The following NLRP4 variants were observed in gnomAD, a reference collection of about 807,000 sequenced individuals.
NLRP4 encodes NACHT, LRR and PYD domains-containing protein 4.
A neutral mutation model predicts 84.7 loss-of-function variants in NLRP4; 44 were observed. The ratio of observed to expected loss-of-function variants is 0.52; its 90% CI spans 0.41 to 0.67. The LOEUF is 0.67. Among genes scored for constraint, NLRP4 ranks in the 30% least tolerant of loss-of-function variants. The probability of loss-of-function intolerance (pLI) is 0.00; values close to 1 mark genes in which losing one functional copy is unlikely to be tolerated. For synonymous variants in NLRP4, 544 were observed against 476.4 expected, an observed-to-expected ratio of 1.14 and a Z score of -1.85; for missense variants, 1,260 against 1,219.4, an observed-to-expected ratio of 1.03 and a Z score of -0.50.
At chr19:55,860,072 G>A (rs1477759992) in intron 3 of NLRP4, among the ~76,000 whole-genome samples, 4 of 140,736 alleles carry the variant, frequency 2.8e-5, no homozygotes, top group Admixed American at 7.4e-5. Flanking sequence ...TGCAAGCTCC[G>A]CCTCCCAGGT....
At position 55,881,742 on chromosome 19, in the gene NLRP4, G is replaced by A; in HGVS notation, c.*155G>A. On this transcript the variant is annotated 3_prime_UTR_variant, in exon 10 of 10. Coordinates refer to ENST00000301295, the MANE Select transcript of NLRP4 (RefSeq NM_134444.5). The stretch of plus-strand genomic sequence containing the variant: ...TCATAGATTTGATATGATACACGTG[G>A]TTTTTATGTGCTCTGTGGCCTTGGA... The A allele has an allele frequency of 1.4e-5, 7 of 492,226 alleles. No individual in the cohort carries two copies. The South Asian group carries it at 2.5e-4, about 17-fold the overall frequency. The allele number at this position is 492,226 out of a possible 1,614,324, so 30.5% of individuals were successfully genotyped here. A position where few individuals can be genotyped will look rare whatever the true frequency, so the allele number is the denominator to read the frequency against.
rs412189 is a variant in NLRP4 at position 55,847,502 on chromosome 19, C to A, written c.-65-4514C>A. ...TATCTAATATGAATAACTATTTGCC[C>A]TATGTTTTTAGTATCTTTTAAAATT... On this transcript the variant is annotated intron_variant, in intron 1 of 9. Coordinates refer to ENST00000301295, the MANE Select transcript of NLRP4 (RefSeq NM_134444.5). Among the ~76,000 whole-genome samples the A allele has an allele frequency of 2.6e-5, 4 of 151,882 alleles. No individual in the cohort carries two copies. In the South Asian group the frequency reaches 6.2e-4, roughly 24 times the overall value.
chr19:55,847,443 C>A (rs997634428), intron 1 of NLRP4, among the ~76,000 whole-genome samples: 16 of 152,176 alleles, frequency 1.1e-4, no homozygotes, highest in Middle Eastern at 3.4e-3. Context: ...GTGTAGGATT[C>A]CATAAATATT....
rs764000355 is a variant in NLRP4 at position 55,852,247 on chromosome 19, C to G, written c.167C>G (p.Ala56Gly). 2.5e-5 allele frequency: 41 copies of G among 1,609,138 alleles called. No individual in the cohort carries two copies. The change falls in exon 2 of 10, where the codon GCA (alanine) becomes GGA (glycine). Residue 56 changes from alanine to glycine, a missense_variant. Coordinates refer to ENST00000301295, the MANE Select transcript of NLRP4 (RefSeq NM_134444.5). ...EVKKASREEL[A>G]NLLIKHYEEQ... Reference sequence around the variant, plus strand: ...AAAAAAGCATCCCGGGAAGAACTTGCAAACCTCTTGATCAAGCACTATGAA... The same window carrying G: ...AAAAAAGCATCCCGGGAAGAACTTGGAAACCTCTTGATCAAGCACTATGAA...
chr19:55,850,808 T>TGCGGTGTAATTC (rs1984083032), intron 1 of NLRP4, among the ~76,000 whole-genome samples: 5 of 30,484 alleles, frequency 1.6e-4, no homozygotes, highest in Non-Finnish European at 2.5e-4. Flanking sequence ...CGGTGTAATT[T>TGCGGTGTAATTC]CCGAGGCTGC....
chr19:55,865,896 C>G (rs1984935362), intron 5 of NLRP4, among the ~76,000 whole-genome samples: 1 of 152,086 alleles, frequency 6.6e-6, no homozygotes, highest in African/African-American at 2.4e-5. Flanking sequence ...TTAATGGTGT[C>G]CTTTGAAGCA....
chr19:55,871,841 A>G (rs897703544), intron 7 of NLRP4, among the ~76,000 whole-genome samples: 27 of 147,772 alleles, frequency 1.8e-4, no homozygotes, highest in Non-Finnish European at 3.3e-4. Context: ...CTAAACAGAA[A>G]TAATCTTTTT....
chr19:55,868,852 T>A (rs988726890), intron 6 of NLRP4, among the ~76,000 whole-genome samples: 2 of 152,164 alleles, frequency 1.3e-5, no homozygotes, highest in Non-Finnish European at 2.9e-5. Flanking sequence ...CTTTATACTT[T>A]TGGGCATTTT....
intron 1 of NLRP4, among the ~76,000 whole-genome samples, chr19:55,847,917 A>G (rs1983861904): frequency 6.6e-6 from 1 of 152,034 alleles, no homozygotes; most frequent in Non-Finnish European, 1.5e-5. Context: ...GGGTTTCACC[A>G]TCTTGGTCAG....
intron 2 of NLRP4, among the ~76,000 whole-genome samples, chr19:55,854,856 G>A (rs1284061117): frequency 1.3e-5 from 2 of 152,046 alleles, no homozygotes; most frequent in African/African-American, 4.8e-5. Flanking sequence ...CGGAGTAGCT[G>A]GGATTATAAG....
chr19:55,855,633 A>G (rs1324927540), intron 2 of NLRP4, among the ~76,000 whole-genome samples: 1 of 152,234 alleles, frequency 6.6e-6, no homozygotes, highest in East Asian at 1.9e-4. Flanking sequence ...CCTGCATCCA[A>G]TCAAATCCAG....
At chr19:55,877,310 G>A (rs1945117412) in intron 8 of NLRP4, 144 bp downstream of exon 8, 2 of 749,910 alleles carry the variant, frequency 2.7e-6, no homozygotes, top group South Asian at 3.6e-5. Context: ...AAACTTCAGG[G>A]CTTAAGGCAA....
intron 6 of NLRP4, 121 bp downstream of exon 6, chr19:55,867,997 T>G: frequency 1.2e-6 from 1 of 854,236 alleles, no homozygotes; most frequent in South Asian, 1.7e-5. Context: ...AGCTCACGCT[T>G]AAGAATCAGA....
chr19:55,871,099 C>A, intron 7 of NLRP4, 102 bp downstream of exon 7: 1 of 996,970 alleles, frequency 1.0e-6, no homozygotes, highest in Non-Finnish European at 1.5e-6. Flanking sequence ...AGTGTCTGTG[C>A]CTGGGCATGT....
At chr19:55,851,628 G>T (rs374633563) in intron 1 of NLRP4, among the ~76,000 whole-genome samples, 100 of 65,324 alleles carry the variant, frequency 1.5e-3, no homozygotes, top group African/African-American at 3.6e-3. Context: ...GCGGTGTAAT[G>T]TCCGAGGCTG....
At chr19:55,865,792 TGTAA>T (rs1015553648) in intron 5 of NLRP4, among the ~76,000 whole-genome samples, 2 of 152,212 alleles carry the variant, frequency 1.3e-5, no homozygotes, top group Admixed American at 6.5e-5. Flanking sequence ...TTTGTCAAGT[TGTAA>T]GTGTTCTTTA....
At chr19:55,854,358 CTTCTA>C (rs1417212098) in intron 2 of NLRP4, among the ~76,000 whole-genome samples, 2 of 152,078 alleles carry the variant, frequency 1.3e-5, no homozygotes, top group Non-Finnish European at 2.9e-5. Flanking sequence ...TTTATTCCAT[CTTCTA>C]TTTTATTGAG....
At chr19:55,861,692 T>C in intron 4 of NLRP4, 145 bp downstream of exon 4, 1 of 737,102 alleles carries the variant, frequency 1.4e-6, no homozygotes, top group Non-Finnish European at 2.3e-6. Flanking sequence ...AGACATCTCA[T>C]GCAGATCATT....
intron 2 of NLRP4, among the ~76,000 whole-genome samples, chr19:55,856,930 T>A (rs984603565): frequency 6.6e-6 from 1 of 152,206 alleles, no homozygotes; most frequent in African/African-American, 2.4e-5. Flanking sequence ...CTGCATCTCC[T>A]CTCTCTTCTG....
Sources: gnomAD v4.1 joint callset for allele counts (sites outside exome capture counted in the v4.1 genomes callset) on GRCh38, gnomAD v4.1.1 for gene constraint, MANE v1.5 for transcripts, NCBI Gene and HGNC (gene_info 2026-07-23, HGNC 2026-07-21) for gene names.